The following MBNL1 variants were observed in gnomAD, a reference collection of about 807,000 sequenced individuals.
The protein encoded by MBNL1 is muscleblind-like protein 1.
In MBNL1, 8 loss-of-function variants were observed where a neutral mutation model predicts 42.2. That is an observed-to-expected ratio of 0.19 (90% CI 0.11 to 0.34). MBNL1 has a LOEUF of 0.34. Ranked by LOEUF, MBNL1 falls within the 10% of genes least tolerant of loss-of-function variation. The pLI is 1.00. For missense variants in MBNL1, 309 were observed against 495.3 expected, an observed-to-expected ratio of 0.62 and a Z score of 3.57; for synonymous variants, 169 against 173.9, an observed-to-expected ratio of 0.97 and a Z score of 0.22.
chr3:152,451,815 A>G (rs902048263), intron 6 of MBNL1, among the ~76,000 whole-genome samples: 1 of 152,138 alleles, frequency 6.6e-6, no homozygotes, highest in Non-Finnish European at 1.5e-5. Context: ...TGCCTACATT[A>G]TCTCATTTTT....
rs535194584 is a variant in MBNL1 at position 152,250,831 on chromosome 3, G to C, written n.333+6391G>C. ...TTTATTGAGAGTTTTTGGCATGAAGGGTTGTTGAATTTTGTCAAAGGCCTT... is the reference window on the plus strand; with the variant it reads ...TTTATTGAGAGTTTTTGGCATGAAGCGTTGTTGAATTTTGTCAAAGGCCTT... On this transcript the variant is annotated intron_variant and non_coding_transcript_variant, in intron 2 of 2. Coordinates refer to the MBNL1 transcript ENST00000477171. Among the ~76,000 whole-genome samples, 59 of 152,026 alleles carry C rather than the reference G, an allele frequency of 3.9e-4. 1 individual carries two copies. Among genetic ancestry groups the C allele is most frequent in the Middle Eastern group, 6.8e-3 (2 of 294 alleles).
At chr3:152,329,695 T>A (rs2082862555) in intron 2 of MBNL1, among the ~76,000 whole-genome samples, 1 of 132,384 alleles carries the variant, frequency 7.6e-6, no homozygotes. Context: ...ATCTTATATA[T>A]TATATATATA....
At chr3:152,445,152 C>T (rs1158994342) in intron 4 of MBNL1, 130 bp from the exon 5 acceptor site, 2 of 699,348 alleles carry the variant, frequency 2.9e-6, no homozygotes, top group Middle Eastern at 2.7e-4. Context: ...TACTTGTTGC[C>T]TTGTTTGAAA....
At chr3:152,290,358 T>C (rs1470946389) in intron 1 of MBNL1, among the ~76,000 whole-genome samples, 3 of 152,104 alleles carry the variant, frequency 2.0e-5, no homozygotes, top group African/African-American at 4.8e-5. Context: ...TAATTTATCC[T>C]ACTTGAGTCT....
chr3:152,414,943 C>T lies in MBNL1; in HGVS notation c.177C>T (p.Gly59=). ...RVIACFDSLK[G]RCSRENCKYL... ...GTTTGCTGCTTTTGTTTCTCTAGGG[C>T]CGTTGCTCCAGGGAGAACTGCAAAT... The change falls in exon 3 of 10, where the codon GGC becomes GGT. Residue 59 remains glycine, a splice_region_variant and synonymous_variant. Coordinates refer to ENST00000324210, the MANE Select transcript of MBNL1 (RefSeq NM_021038.5). 6.2e-7 allele frequency: 1 copy of T among 1,609,616 alleles called. No homozygotes were observed. The highest frequency in any genetic ancestry group is 8.5e-7 in the Non-Finnish European group (1 of 1,178,622).
chr3:152,356,947 A>G (rs1054577758), intron 2 of MBNL1, among the ~76,000 whole-genome samples: 1 of 151,758 alleles, frequency 6.6e-6, no homozygotes, highest in African/African-American at 2.4e-5. Context: ...TACCATACTT[A>G]TAATATCAAA....
chr3:152,369,762 T>C (rs2096580037), intron 2 of MBNL1, among the ~76,000 whole-genome samples: 1 of 152,336 alleles, frequency 6.6e-6, no homozygotes, highest in Admixed American at 6.5e-5. Context: ...TCCAGGTATT[T>C]ATCCATTTCT....
intron 1 of MBNL1, among the ~76,000 whole-genome samples, chr3:152,284,446 T>C (rs1174990303): frequency 6.6e-6 from 1 of 152,080 alleles, no homozygotes; most frequent in Non-Finnish European, 1.5e-5. Context: ...TTAGTACATG[T>C]AAAAGAAAAA....
chr3:152,284,387 T>A (rs1437193961), intron 1 of MBNL1, among the ~76,000 whole-genome samples: 1 of 152,094 alleles, frequency 6.6e-6, no homozygotes, highest in Non-Finnish European at 1.5e-5. Flanking sequence ...AGCTTAATAT[T>A]TGTGATTTCT....
chr3:152,265,387 A>AGT (rs10664067), upstream of MBNL1: 33,407 of 144,914 alleles, frequency 0.23, 3,793 homozygotes, highest in East Asian at 0.35. Context: ...TTTGTGTGAG[A>AGT]GTGTGTGTGT....
At chr3:152,376,988 A>C (rs1208211634) in intron 2 of MBNL1, among the ~76,000 whole-genome samples, 2 of 152,104 alleles carry the variant, frequency 1.3e-5, no homozygotes, top group East Asian at 3.8e-4. Flanking sequence ...ATGTTACATG[A>C]AGTTGAGTTT....
chr3:152,350,316 A>C (rs1211864223), intron 2 of MBNL1, among the ~76,000 whole-genome samples: 1 of 152,168 alleles, frequency 6.6e-6, no homozygotes, highest in Non-Finnish European at 1.5e-5. Context: ...AGATGAGTAG[A>C]ATTGGGAGAG....
intron 9 of MBNL1, among the ~76,000 whole-genome samples, chr3:152,461,321 C>T (rs369623621): frequency 1.6e-4 from 24 of 152,108 alleles, no homozygotes; most frequent in African/African-American, 5.6e-4. Flanking sequence ...TTTCTCAAAG[C>T]AGTTCTGATA....
rs189729827 is a variant in MBNL1 at position 152,251,345 on chromosome 3, G to A, written n.333+6905G>A. On this transcript the variant is annotated intron_variant and non_coding_transcript_variant, in intron 2 of 2. Coordinates refer to the MBNL1 transcript ENST00000477171. ...TGTTTTAAAACATTTATACATGGTG[G>A]CTAAATGTATAATGGATCAATTGAA... 1.1e-3 allele frequency among the ~76,000 whole-genome samples: 169 copies of A among 152,064 alleles called. 1 individual carries two copies. Among genetic ancestry groups the A allele is most frequent in the Non-Finnish European group, 9.1e-4 (62 of 67,940 alleles).
intron 2 of MBNL1, among the ~76,000 whole-genome samples, chr3:152,385,572 CTCTACCCTCAACTGA>C (rs1473672733): frequency 6.6e-6 from 1 of 151,958 alleles, no homozygotes; most frequent in Non-Finnish European, 1.5e-5. Flanking sequence ...TGTTGGGTAA[CTCTACCCTCAACTGA>C]TAAAGGAATA....
chr3:152,395,087 C>G (rs2097871564), intron 2 of MBNL1, among the ~76,000 whole-genome samples: 1 of 152,138 alleles, frequency 6.6e-6, no homozygotes, highest in Non-Finnish European at 1.5e-5. Flanking sequence ...TCTTGATCCC[C>G]TGACCTCGTG....
intron 1 of MBNL1, among the ~76,000 whole-genome samples, chr3:152,294,740 T>G (rs1212164135): frequency 6.6e-6 from 1 of 152,202 alleles, no homozygotes; most frequent in Non-Finnish European, 1.5e-5. Flanking sequence ...AGGCCAAATA[T>G]GTTTGCAAGA....
At chr3:152,341,134 G>C in intron 2 of MBNL1, 1 of 454,066 alleles carries the variant, frequency 2.2e-6, no homozygotes. Flanking sequence ...CATTAAAATG[G>C]GTAATTCTTT....
At chr3:152,460,089 C>CA (rs1742422937) in intron 9 of MBNL1, among the ~76,000 whole-genome samples, 1 of 151,562 alleles carries the variant, frequency 6.6e-6, no homozygotes. Flanking sequence ...CCCTGTCCTA[C>CA]AAAAAATACA....
Sources: gnomAD v4.1 joint callset for allele counts (sites outside exome capture counted in the v4.1 genomes callset) on GRCh38, gnomAD v4.1.1 for gene constraint, MANE v1.5 for transcripts, NCBI Gene and HGNC (gene_info 2026-07-23, HGNC 2026-07-21) for gene names.